The following SYCP2L variants were observed in gnomAD, a reference collection of about 807,000 sequenced individuals.
SYCP2L encodes the protein synaptonemal complex protein 2-like.
A neutral mutation model predicts 125.8 loss-of-function variants in SYCP2L; 98 were observed. The ratio of observed to expected loss-of-function variants is 0.78; its 90% CI spans 0.66 to 0.92. The LOEUF (loss-of-function observed/expected upper bound fraction) is 0.92. SYCP2L is among the 40% of genes least tolerant of loss of function. The pLI is 0.00. For missense variants in SYCP2L, 842 were observed against 936.4 expected (o/e 0.90, Z 1.32); for synonymous variants, 317 against 325.4 (o/e 0.97, Z 0.28).
intron 23 of SYCP2L, among the ~76,000 whole-genome samples, chr6:10,951,939 G>A (rs1781417142): frequency 6.6e-6 from 1 of 152,196 alleles, no homozygotes; most frequent in African/African-American, 2.4e-5. Flanking sequence ...CCCAAGATAA[G>A]TTCAGAAGCT....
intron 23 of SYCP2L, among the ~76,000 whole-genome samples, chr6:10,951,089 A>G (rs1022148530): frequency 1.3e-5 from 2 of 152,180 alleles, no homozygotes; most frequent in Admixed American, 1.3e-4. Context: ...GACACACTCC[A>G]TAAGTATTTG....
At position 10,898,106 on chromosome 6, in the gene SYCP2L, C is replaced by T. The variant is rs776353882; in HGVS notation, c.432C>T (p.Asp144=). The change falls in exon 5 of 30, where the codon GAC becomes GAT. Residue 144 remains aspartate (D), a synonymous_variant. Transcript: ENST00000283141. ...SLICVIEDFF[D]TALIISRSSS... ...TTTGTGTTATAGAAGATTTCTTTGA[C>T]ACTGCATTGGTAAGGATGGGATGGA... 1.2e-6 allele frequency: 2 copies of T among 1,612,698 alleles called. No individual in the cohort carries two copies. Among genetic ancestry groups the T allele is most frequent in the African/African-American group, 2.7e-5 (2 of 75,046 alleles).
At chr6:10,917,044 C>T (rs575124731) in intron 14 of SYCP2L, among the ~76,000 whole-genome samples, 1 of 152,224 alleles carries the variant, frequency 6.6e-6, no homozygotes, top group African/African-American at 2.4e-5. Context: ...TTTATTGAGG[C>T]TTGTTTTGTG....
chr6:10,930,908 C>T (rs1343291357), intron 19 of SYCP2L, among the ~76,000 whole-genome samples: 2 of 152,234 alleles, frequency 1.3e-5, no homozygotes, highest in African/African-American at 4.8e-5. Context: ...CATGGTGGCT[C>T]ACGCCTCTAA....
chr6:10,935,435 C>T (rs1241756378), intron 21 of SYCP2L, among the ~76,000 whole-genome samples: 1 of 152,132 alleles, frequency 6.6e-6, no homozygotes, highest in Admixed American at 6.5e-5. Flanking sequence ...CAAGACATCT[C>T]AAATGATGAC....
At chr6:10,965,903 AG>A (rs1377713781) in intron 29 of SYCP2L, among the ~76,000 whole-genome samples, 2 of 152,232 alleles carry the variant, frequency 1.3e-5, no homozygotes. Flanking sequence ...ACCTAAGATC[AG>A]GAGTTTGAGA....
intron 26 of SYCP2L, among the ~76,000 whole-genome samples, chr6:10,959,127 T>G (rs945634494): frequency 1.3e-5 from 2 of 152,236 alleles, no homozygotes; most frequent in African/African-American, 4.8e-5. Context: ...CATTATCCAG[T>G]TATGAAGAGA....
At chr6:10,910,916 C>T in intron 12 of SYCP2L, 47 bp downstream of exon 12, 1 of 1,603,780 alleles carries the variant, frequency 6.2e-7, no homozygotes, top group Non-Finnish European at 8.5e-7. Flanking sequence ...TGCAGTGAAA[C>T]CAGGAGTTAG....
chr6:10,965,666 C>G (rs1312637257), intron 29 of SYCP2L, among the ~76,000 whole-genome samples: 1 of 152,224 alleles, frequency 6.6e-6, no homozygotes, highest in African/African-American at 2.4e-5. Context: ...AGGAATTCTA[C>G]TAGTTTTTTA....
intron 29 of SYCP2L, among the ~76,000 whole-genome samples, chr6:10,970,621 T>C (rs1463103591): frequency 6.6e-6 from 1 of 152,062 alleles, no homozygotes; most frequent in Non-Finnish European, 1.5e-5. Context: ...CAAACCACTG[T>C]CACTTAAGGA....
At chr6:10,947,135 T>G (rs961413054) in intron 23 of SYCP2L, among the ~76,000 whole-genome samples, 1 of 152,102 alleles carries the variant, frequency 6.6e-6, no homozygotes, top group African/African-American at 2.4e-5. Context: ...AGAAGTTGTT[T>G]GGTTCTTTCT....
chr6:10,889,926 A>G (rs1014589443), intron 1 of SYCP2L, among the ~76,000 whole-genome samples: 6 of 152,130 alleles, frequency 3.9e-5, no homozygotes, highest in African/African-American at 1.4e-4. Context: ...GGCCGAGATC[A>G]GCTTTTTTAG....
intron 9 of SYCP2L, among the ~76,000 whole-genome samples, chr6:10,906,723 G>A (rs13202582): frequency 0.2 from 29,978 of 151,230 alleles, 3,357 homozygotes; most frequent in African/African-American, 0.3. Flanking sequence ...TCAGCCTCCC[G>A]AGTAGCTGGG....
At chr6:10,931,535 T>G in intron 20 of SYCP2L, 46 bp downstream of exon 20, 1 of 1,549,494 alleles carries the variant, frequency 6.5e-7, no homozygotes, top group Non-Finnish European at 8.9e-7. Context: ...TGAGTTAAAC[T>G]GCATTTATTT....
intron 19 of SYCP2L, 98 bp downstream of exon 19, chr6:10,930,612 A>G: frequency 1.5e-6 from 2 of 1,354,698 alleles, no homozygotes; most frequent in South Asian, 1.3e-5. Context: ...GTCCAAAGAA[A>G]TATATGATTA....
chr6:10,894,189 G>C lies in SYCP2L; in HGVS notation c.321G>C (p.Gln107His). ...LKEDEPLLIR[Q>H]GLIPKLVSWF... is the part of the protein sequence containing the mutation. ...AAGATGAACCTCTGCTAATTCGGCA[G>C]GGACTGATCCCAAAGATAAGTGTCC... Residue 107 changes from glutamine to histidine, a missense_variant, in exon 4 of 30, where the codon CAG (glutamine) becomes CAC (histidine). Physicochemically the swap from Gln to His is conservative, Grantham distance 24 (BLOSUM62 0). Transcript: ENST00000283141. The C allele has an allele frequency of 1.2e-6, 2 of 1,613,006 alleles. No individual in the cohort carries two copies. The highest frequency in any genetic ancestry group is 1.7e-6 in the Non-Finnish European group (2 of 1,179,806).
chr6:10,955,345 T>TAAA, intron 24 of SYCP2L, 128 bp downstream of exon 24: 1 of 590,196 alleles, frequency 1.7e-6, no homozygotes. Context: ...TCCTAAAAAC[T>TAAA]AAGCTTTTGT....
intron 23 of SYCP2L, among the ~76,000 whole-genome samples, chr6:10,945,263 T>C (rs925600201): frequency 4.4e-4 from 67 of 152,276 alleles, no homozygotes; most frequent in Non-Finnish European, 4.3e-4. Flanking sequence ...TCACAATCAT[T>C]GGGTGCAGTG....
chr6:10,946,987 T>G (rs1314517332), intron 23 of SYCP2L, among the ~76,000 whole-genome samples: 1 of 152,030 alleles, frequency 6.6e-6, no homozygotes, highest in Non-Finnish European at 1.5e-5. Context: ...ATTCCACATC[T>G]TTTACCCACT....
Sources: allele counts gnomAD v4.1 joint callset (sites outside exome capture counted in the v4.1 genomes callset), GRCh38; gene constraint gnomAD v4.1.1; transcripts MANE v1.5; gene names NCBI Gene and HGNC (gene_info 2026-07-23, HGNC 2026-07-21).